DCUN1D2: variants seen among roughly 807,000 people sequenced by gnomAD.
The protein encoded by DCUN1D2 is DCN1-like protein 2.
A neutral mutation model predicts 30.9 loss-of-function variants in DCUN1D2; 29 were observed. That is an observed-to-expected ratio of 0.94 (90% confidence interval 0.70 to 1.28). The LOEUF (loss-of-function observed/expected upper bound fraction) is 1.28. Among genes scored for constraint, DCUN1D2 ranks in the 50% most tolerant of loss-of-function variants. The pLI is 0.00. For missense variants in DCUN1D2, 325 were observed against 316.9 expected, an observed-to-expected ratio of 1.03 and a Z score of -0.19; for synonymous variants, 121 against 115.3, an observed-to-expected ratio of 1.05 and a Z score of -0.32.
chr13:113,478,603 A>C (rs1425389878), intron 3 of DCUN1D2, among the ~76,000 whole-genome samples: 1 of 152,112 alleles, frequency 6.6e-6, no homozygotes, highest in African/African-American at 2.4e-5. Flanking sequence ...TTCTTTCTAA[A>C]ATATGCATTT....
At chr13:113,463,743 C>T (rs1365181561) in intron 4 of DCUN1D2, among the ~76,000 whole-genome samples, 1 of 151,930 alleles carries the variant, frequency 6.6e-6, no homozygotes, top group African/African-American at 2.4e-5. Flanking sequence ...CATAGACACA[C>T]ACAGATACCC....
chr13:113,486,613 T>G (rs1222639502), intron 1 of DCUN1D2, among the ~76,000 whole-genome samples: 1 of 152,196 alleles, frequency 6.6e-6, no homozygotes, highest in Non-Finnish European at 1.5e-5. Context: ...ACAATGAGTG[T>G]TGAGCATTTG....
At chr13:113,463,777 GACAC>G (rs967021829) in intron 4 of DCUN1D2, among the ~76,000 whole-genome samples, 1 of 146,354 alleles carries the variant, frequency 6.8e-6, no homozygotes, top group African/African-American at 2.6e-5. Context: ...GACACACACA[GACAC>G]ACACAGAGAC....
chr13:113,459,042 C>T (rs963484574), intron 6 of DCUN1D2, among the ~76,000 whole-genome samples: 71 of 152,316 alleles, frequency 4.7e-4, no homozygotes, highest in African/African-American at 1.6e-3. Context: ...GGTGGTTTCC[C>T]AATACCTAAC....
chr13:113,468,495 T>C (rs577665064), intron 4 of DCUN1D2, among the ~76,000 whole-genome samples: 191 of 152,350 alleles, frequency 1.3e-3, no homozygotes, highest in Non-Finnish European at 2.2e-3. Flanking sequence ...CTTAGTGCTA[T>C]TGAACCGTAC....
At chr13:113,477,797 T>C (rs186969255) in intron 3 of DCUN1D2, among the ~76,000 whole-genome samples, 3 of 152,168 alleles carry the variant, frequency 2.0e-5, no homozygotes, top group African/African-American at 7.2e-5. Context: ...TTAACCATGG[T>C]AAATTAATTA....
chr13:113,466,037 C>A (rs1214692673), intron 4 of DCUN1D2, among the ~76,000 whole-genome samples: 1 of 152,108 alleles, frequency 6.6e-6, no homozygotes, highest in African/African-American at 2.4e-5. Context: ...AGGTGTGTGC[C>A]ACCAGACTCA....
At chr13:113,479,376 G>A (rs553411378) in intron 3 of DCUN1D2, among the ~76,000 whole-genome samples, 1 of 152,108 alleles carries the variant, frequency 6.6e-6, no homozygotes, top group Admixed American at 6.5e-5. Flanking sequence ...TTATGAAATG[G>A]TCCTCCTTAT....
chr13:113,461,780 C>T (rs545570947), intron 4 of DCUN1D2, among the ~76,000 whole-genome samples: 5 of 152,180 alleles, frequency 3.3e-5, no homozygotes, highest in Non-Finnish European at 7.3e-5. Flanking sequence ...TTCACGACTT[C>T]TATATAAATC....
intron 4 of DCUN1D2, among the ~76,000 whole-genome samples, chr13:113,465,110 C>T (rs912344628): frequency 2.0e-5 from 3 of 152,142 alleles, no homozygotes; most frequent in Non-Finnish European, 4.4e-5. Flanking sequence ...TGCAGAGTAT[C>T]AATAAATATA....
intron 4 of DCUN1D2, among the ~76,000 whole-genome samples, chr13:113,463,761 GAC>G (rs1409732168): frequency 1.3e-5 from 2 of 148,696 alleles, no homozygotes; most frequent in Admixed American, 6.7e-5. Flanking sequence ...CCCACAAAGA[GAC>G]ACAGACACAC....
At chr13:113,470,129 T>C (rs958182453) in intron 4 of DCUN1D2, among the ~76,000 whole-genome samples, 4 of 152,218 alleles carry the variant, frequency 2.6e-5, no homozygotes, top group African/African-American at 4.8e-5. Context: ...CAAAAGTGCA[T>C]TTTCACTGCC....
In DCUN1D2 at chr13:113,480,735, C is replaced by T; in HGVS notation, c.229G>A (p.Asp77Asn). ...RLYGRYKDPQ[D>N]ENKIGVDGIQ... Reference sequence around the variant, plus strand: ...CCATCGACTCCAATTTTGTTTTCATCTTGTGGATCTGTAGTTAATATCAGG... The same window carrying T: ...CCATCGACTCCAATTTTGTTTTCATTTTGTGGATCTGTAGTTAATATCAGG... The change falls in exon 3 of 7, where the codon GAT becomes AAT. Residue 77 changes from aspartate to asparagine, a missense_variant. By Grantham distance (23) the Asp-to-Asn change is conservative (BLOSUM62 1). Transcript: ENST00000478244. 1 of 1,613,900 alleles carries T rather than the reference C, an allele frequency of 6.2e-7. No individual in the cohort carries two copies. The highest frequency in any genetic ancestry group is 8.5e-7 in the Non-Finnish European group (1 of 1,179,956).
At chr13:113,467,889 C>G (rs1056341136) in intron 4 of DCUN1D2, among the ~76,000 whole-genome samples, 1 of 151,208 alleles carries the variant, frequency 6.6e-6, no homozygotes, top group Non-Finnish European at 1.5e-5. Flanking sequence ...ACTAATAATA[C>G]AAAAATTAGC....
chr13:113,474,003 T>G, intron 4 of DCUN1D2, 121 bp downstream of exon 4: 1 of 1,270,634 alleles, frequency 7.9e-7, no homozygotes, highest in Non-Finnish European at 1.1e-6. Flanking sequence ...AGACCGTATC[T>G]CCAAAAAACC....
chr13:113,491,359 C>T (rs530186695), upstream of DCUN1D2: 81 of 152,788 alleles, frequency 5.3e-4, no homozygotes, highest in African/African-American at 1.8e-3. Flanking sequence ...CCCTCTCTCC[C>T]TCCCCGGGGC....
At position 113,490,634 on chromosome 13, in the gene DCUN1D2, CCCGACG is replaced by C. The variant is rs992269812; in HGVS notation, c.3+27_3+32del. ...CTTGGGGCCCGACCCCGACCCCGAC[CCCGACG>C]GGCAGAGGCGACGCCGGGCCACCTA... On this transcript the variant is annotated intron_variant, in intron 1 of 6. Transcript: ENST00000478244. This position sits in a 1 kb window ranked among gnomAD's most constrained non-coding sequence, Gnocchi z 5.2. 12 of 1,231,114 alleles carry C rather than the reference CCCGACG, an allele frequency of 9.7e-6. No homozygotes were observed. In the African/African-American group the frequency reaches 1.7e-4, roughly 18 times the overall value. The allele number at this position is 1,231,114 out of a possible 1,614,324, so 76.3% of individuals were successfully genotyped here.
In DCUN1D2 at chr13:113,489,677, T is replaced by C. The variant is rs368209444; in HGVS notation, c.3+990A>G. 2.8e-4 allele frequency among the ~76,000 whole-genome samples: 42 copies of C among 152,232 alleles called. No homozygotes were observed. In the East Asian group the frequency reaches 7.9e-3, roughly 29 times the overall value. ...AGCCAGGACAATCTTTCAGCTCCTA[T>C]ACGTCATCATCGCCTACCACTAAGG... On this transcript the variant is annotated intron_variant, in intron 1 of 6. Transcript: ENST00000478244.
intron 5 of DCUN1D2, among the ~76,000 whole-genome samples, 193 bp downstream of exon 5, chr13:113,460,861 G>C (rs1344051979): frequency 6.6e-6 from 1 of 152,216 alleles, no homozygotes; most frequent in Non-Finnish European, 1.5e-5. Flanking sequence ...AGTGGCCCCA[G>C]CTCAGCCCTG....
Sources: allele counts gnomAD v4.1 joint callset (sites outside exome capture counted in the v4.1 genomes callset), GRCh38; gene constraint gnomAD v4.1.1; non-coding constraint Gnocchi (gnomAD v3.1); transcripts MANE v1.5; gene names NCBI Gene and HGNC (gene_info 2026-07-23, HGNC 2026-07-21).